Variants in COXFA4 observed in about 807,000 individuals in gnomAD.
COXFA4 encodes the protein cytochrome c oxidase subunit FA4.
the COXFA4 span, chr7:10,939,577 C>T: frequency 1.6e-5 from 3 of 184,032 alleles, no homozygotes; most frequent in Non-Finnish European, 3.5e-5. Flanking sequence ...TCCAAGATCA[C>T]GGACCCCTCT....
the COXFA4 span, chr7:10,932,130 T>C: frequency 1.3e-5 from 2 of 152,214 alleles, no homozygotes; most frequent in Non-Finnish European, 2.9e-5. Context: ...TCTCCATTCT[T>C]CTCATAGCCT....
chr7:10,932,645 A>G, the COXFA4 span: 25 of 152,306 alleles, frequency 1.6e-4, no homozygotes, highest in African/African-American at 5.8e-4. Flanking sequence ...TCCCCATCTT[A>G]AAATTATGAA....
chr7:10,939,112 G>A, the COXFA4 span: 2 of 484,294 alleles, frequency 4.1e-6, no homozygotes, highest in South Asian at 2.2e-5. Context: ...ATGTTAAGAT[G>A]ACTCTGGTTT....
At chr7:10,937,938 T>C in the COXFA4 span, 8 of 656,598 alleles carry the variant, frequency 1.2e-5, no homozygotes, top group Non-Finnish European at 1.9e-5. Context: ...TAGAGCAATA[T>C]ACCATTTTCA....
At chr7:10,938,622 G>A in the COXFA4 span, 3 of 548,616 alleles carry the variant, frequency 5.5e-6, no homozygotes, top group Non-Finnish European at 9.8e-6. Flanking sequence ...ACGAGACTCA[G>A]AGAAATTAGA....
At chr7:10,938,673 T>C in the COXFA4 span, 12 of 678,476 alleles carry the variant, frequency 1.8e-5, no homozygotes, top group East Asian at 2.7e-5. Flanking sequence ...AACAGCAGAT[T>C]TGAGATCTGA....
At chr7:10,938,552 T>C in the COXFA4 span, 1 of 449,840 alleles carries the variant, frequency 2.2e-6, no homozygotes, top group Non-Finnish European at 4.0e-6. Context: ...ATTATTTTTA[T>C]GTCAATCCTC....
At chr7:10,935,840 G>C in the COXFA4 span, among the ~76,000 whole-genome samples, 1 of 151,524 alleles carries the variant, frequency 6.6e-6, no homozygotes, top group East Asian at 2.0e-4. Context: ...AACGACAAAA[G>C]TTCACTTTTC....
chr7:10,938,995 A>T, the COXFA4 span: 1 of 908,498 alleles, frequency 1.1e-6, no homozygotes, highest in African/African-American at 1.6e-5. Context: ...CCAAGTCTCA[A>T]ACTGTTATTG....
chr7:10,932,063 A>C, the COXFA4 span: 1 of 152,232 alleles, frequency 6.6e-6, no homozygotes, highest in African/African-American at 2.4e-5. Context: ...ATCTAGAGTA[A>C]TTCTCAACAG....
chr7:10,932,266 G>C, the COXFA4 span: 1 of 152,156 alleles, frequency 6.6e-6, no homozygotes, highest in South Asian at 2.1e-4. Flanking sequence ...GTCAACAGTG[G>C]CAAGGTTGAG....
the COXFA4 span, chr7:10,939,867 A>C: frequency 2.2e-6 from 2 of 897,542 alleles, no homozygotes; most frequent in East Asian, 4.8e-5. Context: ...GGCCTGGGAC[A>C]ACTAAGATGA....
chr7:10,933,497 A>C, the COXFA4 span: 1 of 678,334 alleles, frequency 1.5e-6, no homozygotes, highest in African/African-American at 1.8e-5. Flanking sequence ...TGTAATCTCC[A>C]ATAGAGATTA....
At chr7:10,937,519 G>C in the COXFA4 span, among the ~76,000 whole-genome samples, 1 of 152,144 alleles carries the variant, frequency 6.6e-6, no homozygotes, top group Non-Finnish European at 1.5e-5. Context: ...CTGATCTCAA[G>C]TGATCTGCCC....
chr7:10,939,883 A>T, the COXFA4 span: 1 of 1,006,136 alleles, frequency 9.9e-7, no homozygotes, highest in South Asian at 1.3e-5. Flanking sequence ...GATGACAAAC[A>T]CTAGGCGAGG....
At chr7:10,932,479 A>T in the COXFA4 span, 1 of 152,242 alleles carries the variant, frequency 6.6e-6, no homozygotes, top group Admixed American at 6.5e-5. Flanking sequence ...TAATTCAAAT[A>T]CTTAGTTCAG....
the COXFA4 span, chr7:10,940,082 GA>G: frequency 6.2e-7 from 1 of 1,612,832 alleles, no homozygotes; most frequent in Admixed American, 1.7e-5. Flanking sequence ...TCTCCGACTG[GA>G]AAGGAGAGAA....
the COXFA4 span, chr7:10,938,904 A>C: frequency 3.7e-6 from 6 of 1,605,094 alleles, no homozygotes; most frequent in African/African-American, 1.3e-5. Flanking sequence ...CAACTAAACC[A>C]AACACAAAAT....
chr7:10,938,110 C>G, the COXFA4 span: 1 of 1,613,170 alleles, frequency 6.2e-7, no homozygotes, highest in South Asian at 1.1e-5. Context: ...TCATTGGGAC[C>G]CAGTTTGTTC....
Sources: allele counts gnomAD v4.1 joint callset (sites outside exome capture counted in the v4.1 genomes callset), GRCh38; gene constraint gnomAD v4.1.1; transcripts MANE v1.5; gene names NCBI Gene and HGNC (gene_info 2026-07-23, HGNC 2026-07-21).